CSMD1: variants seen among roughly 807,000 people sequenced by gnomAD.
CSMD1 encodes the protein CUB and Sushi multiple domains 1.
CSMD1 carries 213 observed loss-of-function variants against 417.5 expected under a neutral mutation model. The observed-to-expected ratio is 0.51, with a 90% confidence interval of 0.46 to 0.57. The LOEUF (loss-of-function observed/expected upper bound fraction) is 0.57. Among genes scored for constraint, CSMD1 ranks in the 20% least tolerant of loss-of-function variants. The probability of loss-of-function intolerance (pLI) is 0.00; values close to 1 mark genes in which losing one functional copy is unlikely to be tolerated. For synonymous variants in CSMD1, 2,862 were observed against 1,736.8 expected, an observed-to-expected ratio of 1.65 and a Z score of -16.11; for missense variants, 6,923 against 4,529.7, an observed-to-expected ratio of 1.53 and a Z score of -15.17.
chr8:4,750,132 A>G (rs1339453172), intron 1 of CSMD1, among the ~76,000 whole-genome samples: 1 of 152,024 alleles, frequency 6.6e-6, no homozygotes, highest in Non-Finnish European at 1.5e-5. Context: ...CAGCCTCCCG[A>G]GTAGCTGGGA....
chr8:3,190,815 G>A (rs899462378), intron 33 of CSMD1, among the ~76,000 whole-genome samples: 11 of 152,196 alleles, frequency 7.2e-5, no homozygotes, highest in Non-Finnish European at 8.8e-5. Context: ...TAATAACACG[G>A]ATGAACCTTG....
intron 7 of CSMD1, among the ~76,000 whole-genome samples, chr8:3,669,263 C>G (rs1444762079): frequency 6.6e-6 from 1 of 152,210 alleles, no homozygotes; most frequent in Non-Finnish European, 1.5e-5. Flanking sequence ...GTGAAAATGT[C>G]TCATCTGTGT....
intron 5 of CSMD1, among the ~76,000 whole-genome samples, chr8:3,900,492 T>TAGCTGGGTGACAGTAG: frequency 6.7e-6 from 1 of 150,046 alleles, no homozygotes; most frequent in African/African-American, 2.5e-5. Context: ...GTTGACAGTG[T>TAGCTGGGTGACAGTAG]AGCTGGGTGA....
chr8:4,017,143 C>A (rs557555200), intron 4 of CSMD1, among the ~76,000 whole-genome samples: 6 of 152,218 alleles, frequency 3.9e-5, no homozygotes, highest in Non-Finnish European at 8.8e-5. Context: ...TTGTACATAT[C>A]TACCCCTGCA....
intron 1 of CSMD1, among the ~76,000 whole-genome samples, chr8:4,834,634 T>C (rs1051197386): frequency 6.6e-6 from 1 of 151,272 alleles, no homozygotes; most frequent in Non-Finnish European, 1.5e-5. Flanking sequence ...AGGAAGTAGC[T>C]AGCTAGTGAA....
rs564225761 is a variant in CSMD1, at chr8:4,392,662, A to T, written c.415+27291T>A. 6.0e-3 allele frequency among the ~76,000 whole-genome samples: 837 copies of T among 139,010 alleles called. 6 individuals are homozygous for T. The highest frequency in any genetic ancestry group is 0.011 in the South Asian group (54 of 4,746). 91.2% of individuals were successfully genotyped at this position (139,010 alleles called of 152,430 possible). On this transcript the variant is annotated intron_variant, in intron 3 of 69. Transcript: ENST00000635120. ...GGGGGGGAGGGTTATTATTATTATT[A>T]TTATTTTTTTTTGAGATGGACTGTG...
At chr8:4,600,226 C>T (rs933588118) in intron 2 of CSMD1, among the ~76,000 whole-genome samples, 27 of 50,274 alleles carry the variant, frequency 5.4e-4, no homozygotes, top group Middle Eastern at 0.011. Context: ...ACCCTCCTCA[C>T]GTGATACTCT....
rs551671002 is a variant in CSMD1, at chr8:4,223,742, T to G, written c.416-191643A>C. Among the ~76,000 whole-genome samples, 50 of 152,348 alleles carry G rather than the reference T, an allele frequency of 3.3e-4. No individual in the cohort carries two copies. In the South Asian group the frequency reaches 0.01, roughly 31 times the overall value. ...GAAAAATGAGGAATTTGGGTCAGAT[T>G]CTCAGAATATTTCTAGCAAAGGTGA... On this transcript the variant is annotated intron_variant, in intron 3 of 69. Transcript: ENST00000635120.
chr8:4,840,668 A>G (rs1230840818), intron 1 of CSMD1, among the ~76,000 whole-genome samples: 3 of 152,212 alleles, frequency 2.0e-5, no homozygotes, highest in African/African-American at 7.2e-5. Flanking sequence ...GTCCCAAAAA[A>G]GGTGCCTGTT....
At chr8:4,815,667 G>T (rs905072824) in intron 1 of CSMD1, among the ~76,000 whole-genome samples, 4 of 124,362 alleles carry the variant, frequency 3.2e-5, no homozygotes, top group African/African-American at 1.3e-4. Context: ...TTGCATTCCA[G>T]CCTGGGCAAC....
At chr8:3,900,832 G>T (rs1171265106) in intron 5 of CSMD1, among the ~76,000 whole-genome samples, 2 of 152,222 alleles carry the variant, frequency 1.3e-5, no homozygotes, top group Non-Finnish European at 2.9e-5. Context: ...TCCAGAGCTT[G>T]CTCTTCTCAT....
chr8:4,231,676 G>T (rs1801742780), intron 3 of CSMD1, among the ~76,000 whole-genome samples: 1 of 152,174 alleles, frequency 6.6e-6, no homozygotes, highest in African/African-American at 2.4e-5. Context: ...ACTACAAGCT[G>T]TGGGCTTATG....
In CSMD1 at chr8:3,950,003, T is replaced by C. The variant is rs564242399; in HGVS notation, c.818+47900A>G. The C allele has an allele frequency of 6.8e-4, 312 of 455,818 alleles. 7 individuals are homozygous for C. Among genetic ancestry groups the C allele is most frequent in the South Asian group, 4.6e-3 (298 of 64,552 alleles). 28.2% of individuals were successfully genotyped at this position (455,818 alleles called of 1,614,324 possible). On this transcript the variant is annotated intron_variant, in intron 5 of 69. Coordinates refer to ENST00000635120, the MANE Select transcript of CSMD1 (RefSeq NM_033225.6). ...GCTTGCATGAAATTACCCACTACAT[T>C]TGCCAGGGTCCACGGCATTTCCTGT...
At chr8:4,123,395 T>A (rs1387881463) in intron 3 of CSMD1, among the ~76,000 whole-genome samples, 1 of 152,242 alleles carries the variant, frequency 6.6e-6, no homozygotes, top group African/African-American at 2.4e-5. Context: ...TATCTGGGTG[T>A]GCCACATATT....
rs1388573994 is a variant in CSMD1, at chr8:2,966,638, G to A, written c.9032C>T (p.Thr3011Ile). The A allele has an allele frequency of 1.2e-6, 2 of 1,613,644 alleles. No homozygotes were observed. Among genetic ancestry groups the A allele is most frequent in the Non-Finnish European group, 1.7e-6 (2 of 1,179,808 alleles). The change falls in exon 58 of 70, where the codon ACC (threonine) becomes ATC (isoleucine). Residue 3011 changes from threonine to isoleucine, a missense_variant. By Grantham distance (89) the Thr-to-Ile change is moderately conservative. Coordinates refer to ENST00000635120, the MANE Select transcript of CSMD1 (RefSeq NM_033225.6). The stretch of plus-strand genomic sequence containing the variant: ...GCAATGCCGTGTCATGAGCCCTGAG[G>A]TCTTGTAGCCTTCCCAGCAGGCATA... ...VIYACWEGYK[T>I]SGLMTRHCTA... is the part of the protein sequence containing the mutation.
At chr8:4,182,409 G>A (rs895363121) in intron 3 of CSMD1, among the ~76,000 whole-genome samples, 5 of 152,064 alleles carry the variant, frequency 3.3e-5, no homozygotes, top group Non-Finnish European at 7.4e-5. Context: ...ATCAGTAAAT[G>A]CTGAACCTGC....
At chr8:4,958,772 A>G (rs1290171738) in intron 1 of CSMD1, among the ~76,000 whole-genome samples, 1 of 152,226 alleles carries the variant, frequency 6.6e-6, no homozygotes, top group East Asian at 1.9e-4. Context: ...GTTTCAAACT[A>G]GAAGTGAAAA....
At chr8:3,777,869 A>G (rs1798977222) in intron 5 of CSMD1, among the ~76,000 whole-genome samples, 1 of 149,404 alleles carries the variant, frequency 6.7e-6, no homozygotes, top group African/African-American at 2.5e-5. Context: ...CCCACTCCAG[A>G]CCCGCAGTCT....
chr8:3,467,500 C>T (rs1261946823), intron 12 of CSMD1, among the ~76,000 whole-genome samples: 1 of 152,208 alleles, frequency 6.6e-6, no homozygotes, highest in African/African-American at 2.4e-5. Flanking sequence ...GTTGCCTCTG[C>T]ATTCTAGTTT....
Sources: allele counts gnomAD v4.1 joint callset (sites outside exome capture counted in the v4.1 genomes callset), GRCh38; gene constraint gnomAD v4.1.1; transcripts MANE v1.5; gene names NCBI Gene and HGNC (gene_info 2026-07-23, HGNC 2026-07-21).